Variants in PPP3CA observed in about 807,000 individuals in gnomAD.
PPP3CA encodes protein phosphatase 3 catalytic subunit alpha, also known as CAM-PRP catalytic subunit.
A neutral mutation model predicts 66.5 loss-of-function variants in PPP3CA; 14 were observed. The ratio of observed to expected loss-of-function variants is 0.21; its 90% CI spans 0.14 to 0.33. The LOEUF (loss-of-function observed/expected upper bound fraction) is 0.33. Among genes scored for constraint, PPP3CA ranks in the 10% least tolerant of loss-of-function variants. The pLI is 1.00. For synonymous variants in PPP3CA, 232 were observed against 226.2 expected (o/e 1.03, Z -0.23); for missense variants, 317 against 639.5 (o/e 0.50, Z 5.44).
intron 1 of PPP3CA, among the ~76,000 whole-genome samples, chr4:101,334,213 C>T (rs1291248454): frequency 3.3e-5 from 5 of 151,978 alleles, no homozygotes; most frequent in African/African-American, 1.2e-4. Context: ...CTGCTCACTG[C>T]AACCTCCACC....
intron 2 of PPP3CA, among the ~76,000 whole-genome samples, chr4:101,191,098 T>A (rs1333703011): frequency 6.6e-6 from 1 of 152,174 alleles, no homozygotes; most frequent in East Asian, 1.9e-4. Context: ...AACCAATGAA[T>A]CCCACAGTGT....
At chr4:101,033,657 A>C (rs1410396644) in intron 11 of PPP3CA, among the ~76,000 whole-genome samples, 1 of 149,486 alleles carries the variant, frequency 6.7e-6, no homozygotes. Context: ...CACAGAATTA[A>C]CCTAAAGTGT....
chr4:101,326,828 T>A (rs1290403600), intron 1 of PPP3CA, among the ~76,000 whole-genome samples: 2 of 152,190 alleles, frequency 1.3e-5, no homozygotes, highest in Admixed American at 1.3e-4. Context: ...AACAAGTAGC[T>A]GGGGATAACA....
chr4:101,171,642 T>A (rs1261675836), intron 2 of PPP3CA, among the ~76,000 whole-genome samples: 1 of 152,170 alleles, frequency 6.6e-6, no homozygotes, highest in African/African-American at 2.4e-5. Context: ...GGCTGGATTA[T>A]GAACCCTGGC....
intron 2 of PPP3CA, among the ~76,000 whole-genome samples, chr4:101,169,086 G>A (rs1578515928): frequency 6.6e-6 from 1 of 152,004 alleles, no homozygotes; most frequent in Admixed American, 6.6e-5. Context: ...TTTGCACAAG[G>A]GCAATTAATT....
At chr4:101,155,095 G>C (rs1330055565) in intron 2 of PPP3CA, among the ~76,000 whole-genome samples, 1 of 152,126 alleles carries the variant, frequency 6.6e-6, no homozygotes, top group Non-Finnish European at 1.5e-5. Context: ...GATTACGGGC[G>C]TGAGCCAACG....
At chr4:101,175,770 T>C (rs986673055) in intron 2 of PPP3CA, among the ~76,000 whole-genome samples, 2 of 152,172 alleles carry the variant, frequency 1.3e-5, no homozygotes, top group East Asian at 3.8e-4. Flanking sequence ...TGGAGAGGAA[T>C]TGCCAGTAAG....
chr4:101,198,867 T>G (rs900790953), intron 1 of PPP3CA, among the ~76,000 whole-genome samples: 1 of 152,084 alleles, frequency 6.6e-6, no homozygotes, highest in Non-Finnish European at 1.5e-5. Flanking sequence ...CTCTGAGATA[T>G]TGGCGCTGGT....
intron 8 of PPP3CA, among the ~76,000 whole-genome samples, 181 bp downstream of exon 8, chr4:101,080,351 T>C (rs1291317715): frequency 1.3e-5 from 2 of 152,122 alleles, no homozygotes; most frequent in Admixed American, 1.3e-4. Flanking sequence ...ATAAGCCCAA[T>C]CTCTGACCAA....
chr4:101,320,474 A>ATGTG (rs978696518), intron 1 of PPP3CA, among the ~76,000 whole-genome samples: 6 of 129,874 alleles, frequency 4.6e-5, no homozygotes, highest in East Asian at 2.4e-4. Flanking sequence ...GTATGTATGT[A>ATGTG]TGTGTGTGTG....
At chr4:101,255,647 T>C (rs1726818132) in intron 1 of PPP3CA, among the ~76,000 whole-genome samples, 1 of 151,936 alleles carries the variant, frequency 6.6e-6, no homozygotes, top group African/African-American at 2.4e-5. Flanking sequence ...ATTCTGCAAC[T>C]ATAAAAGTAG....
intron 2 of PPP3CA, among the ~76,000 whole-genome samples, chr4:101,151,091 T>C (rs896703729): frequency 2.6e-5 from 4 of 152,200 alleles, no homozygotes; most frequent in Admixed American, 2.0e-4. Flanking sequence ...ACATTAGCCA[T>C]TAAACATTAC....
intron 10 of PPP3CA, among the ~76,000 whole-genome samples, chr4:101,051,925 A>G (rs1453670760): frequency 6.6e-6 from 1 of 152,092 alleles, no homozygotes; most frequent in African/African-American, 2.4e-5. Flanking sequence ...ATACAGTGTA[A>G]AATCTGGAGT....
chr4:101,290,047 T>G (rs561532540), intron 1 of PPP3CA, among the ~76,000 whole-genome samples: 2 of 152,256 alleles, frequency 1.3e-5, no homozygotes, highest in South Asian at 4.1e-4. Flanking sequence ...TAATGAAGAC[T>G]GTGTGACACC....
intron 1 of PPP3CA, among the ~76,000 whole-genome samples, chr4:101,274,849 T>C (rs552443710): frequency 6.6e-5 from 10 of 152,308 alleles, no homozygotes; most frequent in Non-Finnish European, 1.2e-4. Flanking sequence ...ATTTAGATCA[T>C]TACAAACCTA....
At chr4:101,106,483 A>AGGAAG in intron 3 of PPP3CA, among the ~76,000 whole-genome samples, 1 of 76,950 alleles carries the variant, frequency 1.3e-5, no homozygotes, top group African/African-American at 9.0e-5. Flanking sequence ...AAGAAAAGAA[A>AGGAAG]AGAAAAGAAA....
At chr4:101,116,135 C>A (rs554133619) in intron 2 of PPP3CA, among the ~76,000 whole-genome samples, 5 of 152,018 alleles carry the variant, frequency 3.3e-5, no homozygotes, top group Admixed American at 3.3e-4. Flanking sequence ...GGAAGACTTG[C>A]ATGAAGTAGA....
At chr4:101,063,144 C>T (rs1218114557) in intron 9 of PPP3CA, 88 bp downstream of exon 9, 1 of 1,458,354 alleles carries the variant, frequency 6.9e-7, no homozygotes, top group African/African-American at 1.4e-5. Flanking sequence ...TTGGCTGGGC[C>T]AAAGTTCTTC....
intron 1 of PPP3CA, among the ~76,000 whole-genome samples, chr4:101,268,067 G>C (rs1205490729): frequency 6.6e-6 from 1 of 151,998 alleles, no homozygotes. Flanking sequence ...AGCTACTTGG[G>C]AGGATGAAGC....
Sources: gnomAD v4.1 joint callset for allele counts (sites outside exome capture counted in the v4.1 genomes callset) on GRCh38, gnomAD v4.1.1 for gene constraint, MANE v1.5 for transcripts, NCBI Gene and HGNC (gene_info 2026-07-23, HGNC 2026-07-21) for gene names.